Variants in CDH4 observed in about 807,000 individuals in gnomAD.
CDH4 encodes the protein cadherin-4.
CDH4 carries 33 observed loss-of-function variants against 86.0 expected under a neutral mutation model. The ratio of observed to expected loss-of-function variants is 0.38; its 90% confidence interval spans 0.29 to 0.51. The LOEUF (loss-of-function observed/expected upper bound fraction) is 0.51. CDH4 is among the 20% of genes least tolerant of loss of function. The pLI, the probability that CDH4 is intolerant of heterozygous loss-of-function variation, is 0.86. For synonymous variants in CDH4, 555 were observed against 549.4 expected (o/e 1.01, Z -0.14); for missense variants, 1,114 against 1,307.4 (o/e 0.85, Z 2.28).
At position 61,393,282 on chromosome 20, in the gene CDH4, C is replaced by T. The variant is rs1167910129; in HGVS notation, c.169+138345C>T. ...AGGCCATCTCACGGGCGAGCCCACACACCTGGAGAGAAACAGAAGGCCCAG... is the reference window on the plus strand; with the variant it reads ...AGGCCATCTCACGGGCGAGCCCACATACCTGGAGAGAAACAGAAGGCCCAG... On this transcript the variant is annotated intron_variant, in intron 2 of 15. Transcript: ENST00000614565. This position sits in a 1 kb window ranked among gnomAD's most constrained non-coding sequence, Gnocchi z 4.3. Among the ~76,000 whole-genome samples, 1 of 152,118 alleles carries T rather than the reference C, an allele frequency of 6.6e-6. No individual in the cohort carries two copies. Among genetic ancestry groups the T allele is most frequent in the Non-Finnish European group, 1.5e-5 (1 of 68,014 alleles).
intron 2 of CDH4, chr20:61,499,502 AGT>A (rs1204248922): frequency 7.8e-7 from 1 of 1,288,980 alleles, no homozygotes; most frequent in Admixed American, 2.3e-5. Flanking sequence ...GGCAAGTGTG[AGT>A]GTGCTAGGGG....
intron 6 of CDH4, among the ~76,000 whole-genome samples, chr20:61,865,996 TAGC>T (rs1039235064): frequency 2.0e-5 from 3 of 152,190 alleles, no homozygotes; most frequent in Admixed American, 1.3e-4. Context: ...TTGAACATCT[TAGC>T]AGCACCTGGG....
chr20:61,886,552 G>A (rs1403012976), intron 7 of CDH4, among the ~76,000 whole-genome samples: 1 of 152,226 alleles, frequency 6.6e-6, no homozygotes, highest in African/African-American at 2.4e-5. Flanking sequence ...ACACCCAGCT[G>A]TGCAGGACTC....
At chr20:61,668,115 C>T (rs867502346) in intron 2 of CDH4, among the ~76,000 whole-genome samples, 8 of 152,176 alleles carry the variant, frequency 5.3e-5, no homozygotes, top group Non-Finnish European at 7.3e-5. Flanking sequence ...ATTCTCCAAC[C>T]CTAAGAGAAG....
intron 6 of CDH4, among the ~76,000 whole-genome samples, chr20:61,857,949 GTGTC>G (rs905003079): frequency 3.4e-5 from 4 of 118,186 alleles, no homozygotes; most frequent in Non-Finnish European, 5.8e-5. Flanking sequence ...GTGTGTCTCT[GTGTC>G]TGTGTGTGTC....
At chr20:61,486,036 C>T (rs1324745254) in intron 2 of CDH4, among the ~76,000 whole-genome samples, 2 of 152,268 alleles carry the variant, frequency 1.3e-5, no homozygotes, top group Admixed American at 6.5e-5. Context: ...TGCCATCTAA[C>T]GTGAGAGAAA....
In CDH4 at chr20:61,863,180, C is replaced by T. The variant is rs188000423; in HGVS notation, c.877+10282C>T. The stretch of plus-strand genomic sequence containing the variant: ...TGGTACATGAATTCCGAGAAAGAGC[C>T]GAGCCTGGCAGCCTCCGCTGTCTCC... On this transcript the variant is annotated intron_variant, in intron 6 of 15. Transcript: ENST00000614565. Among the ~76,000 whole-genome samples the T allele has an allele frequency of 2.0e-3, 305 of 152,306 alleles. 4 individuals are homozygous for T. The highest frequency in any genetic ancestry group is 6.4e-3 in the African/African-American group (267 of 41,570).
chr20:61,755,404 ACACACACCATACACACAGTGCACGT>A (rs1303279928), intron 3 of CDH4, among the ~76,000 whole-genome samples: 28 of 146,220 alleles, frequency 1.9e-4, no homozygotes, highest in African/African-American at 5.9e-4. Context: ...CATGCACACC[ACACACACCATACACACAGTGCACGT>A]CACACACCAC....
chr20:61,721,777 C>T (rs550746724), intron 2 of CDH4, among the ~76,000 whole-genome samples: 60 of 152,290 alleles, frequency 3.9e-4, no homozygotes, highest in Admixed American at 2.1e-3. Flanking sequence ...AAACTGACTT[C>T]ATTACCAGCT....
intron 2 of CDH4, among the ~76,000 whole-genome samples, chr20:61,316,251 T>A (rs1275403092): frequency 6.6e-6 from 1 of 152,220 alleles, no homozygotes; most frequent in Non-Finnish European, 1.5e-5. Flanking sequence ...ATCTGCATTT[T>A]TCAAAATCCA....
In CDH4 at chr20:61,542,438, C is replaced by T. The variant is rs114232008; in HGVS notation, c.170-201125C>T. On this transcript the variant is annotated intron_variant, in intron 2 of 15. Coordinates refer to ENST00000614565, the MANE Select transcript of CDH4 (RefSeq NM_001794.5). ...TGTTCGTTTAGATCCTGCACACTTTCTGATCTGAGGAGTGAGGTTATTTCA... is the reference window on the plus strand; with the variant it reads ...TGTTCGTTTAGATCCTGCACACTTTTTGATCTGAGGAGTGAGGTTATTTCA... Among the ~76,000 whole-genome samples the T allele has an allele frequency of 5.0e-3, 756 of 152,310 alleles. 5 individuals are homozygous for T. Among genetic ancestry groups the T allele is most frequent in the African/African-American group, 0.017 (704 of 41,584 alleles).
intron 2 of CDH4, among the ~76,000 whole-genome samples, chr20:61,387,299 TACAC>T (rs767599446): frequency 2.1e-4 from 30 of 145,388 alleles, no homozygotes; most frequent in Non-Finnish European, 3.9e-4. Flanking sequence ...CACACAAACA[TACAC>T]ATACATATAC....
At chr20:61,823,605 C>T (rs1010974856) in intron 4 of CDH4, among the ~76,000 whole-genome samples, 4 of 152,132 alleles carry the variant, frequency 2.6e-5, no homozygotes, top group Non-Finnish European at 4.4e-5. Context: ...CAAAGATACA[C>T]TAAAATGTGG....
intron 7 of CDH4, among the ~76,000 whole-genome samples, chr20:61,883,329 T>C (rs961574886): frequency 3.3e-5 from 5 of 152,204 alleles, no homozygotes; most frequent in African/African-American, 1.2e-4. Context: ...TTGCTGTCGG[T>C]CTCCTCCCCT....
rs1371301573 is a variant in CDH4, at chr20:61,528,444, AG to A, written c.170-215113del. ...GGGGGAGAGGAGGGGAAGGGAGGGGAGGGGGGTGGAGGGGGAGAGGGAGGGG... is the reference window on the plus strand; with the variant it reads ...GGGGGAGAGGAGGGGAAGGGAGGGGAGGGGGTGGAGGGGGAGAGGGAGGGG... On this transcript the variant is annotated intron_variant, in intron 2 of 15. Transcript: ENST00000614565. Among the ~76,000 whole-genome samples, 6 of 18,810 alleles carry A rather than the reference AG, an allele frequency of 3.2e-4. No homozygotes were observed. The East Asian group carries it at 0.014, about 45-fold the overall frequency. The allele number at this position is 18,810 out of a possible 152,430, so 12.3% of individuals were successfully genotyped here. A position where few individuals can be genotyped will look rare whatever the true frequency, so the allele number is the denominator to read the frequency against.
At chr20:61,512,328 A>G (rs1239449314) in intron 2 of CDH4, among the ~76,000 whole-genome samples, 1 of 152,216 alleles carries the variant, frequency 6.6e-6, no homozygotes, top group Non-Finnish European at 1.5e-5. Context: ...GAGAGTTCTT[A>G]TAGCCAGGCC....
chr20:61,506,908 G>C (rs769272694), intron 2 of CDH4, among the ~76,000 whole-genome samples: 2 of 152,176 alleles, frequency 1.3e-5, no homozygotes, highest in Non-Finnish European at 2.9e-5. Flanking sequence ...ACTCAGATTT[G>C]AGCAAGGAAA....
intron 2 of CDH4, among the ~76,000 whole-genome samples, chr20:61,268,014 T>A (rs910073957): frequency 2.0e-5 from 3 of 152,190 alleles, no homozygotes; most frequent in Non-Finnish European, 2.9e-5. Context: ...TGCAGCGGGC[T>A]GATTGCAGAC....
intron 2 of CDH4, among the ~76,000 whole-genome samples, chr20:61,317,128 C>G (rs1254486575): frequency 6.6e-6 from 1 of 151,972 alleles, no homozygotes; most frequent in African/African-American, 2.4e-5. Context: ...CCTGTGATCC[C>G]GGCACTTTGG....
Sources: gnomAD v4.1 joint callset for allele counts (sites outside exome capture counted in the v4.1 genomes callset) on GRCh38, gnomAD v4.1.1 for gene constraint, Gnocchi (gnomAD v3.1) non-coding constraint, MANE v1.5 for transcripts, NCBI Gene and HGNC (gene_info 2026-07-23, HGNC 2026-07-21) for gene names.